Variants in SLC36A4 observed in about 807,000 individuals in gnomAD.
The protein encoded by SLC36A4 is neutral amino acid uniporter 4.
SLC36A4 carries 49 observed loss-of-function variants against 50.5 expected under a neutral mutation model. The ratio of observed to expected loss-of-function variants is 0.97; its 90% CI spans 0.77 to 1.23. The LOEUF (loss-of-function observed/expected upper bound fraction) is 1.23. Ranked by LOEUF, SLC36A4 falls within the 50% of genes most tolerant of loss-of-function variation. The pLI, the probability that SLC36A4 is intolerant of heterozygous loss-of-function variation, is 0.00. For missense variants in SLC36A4, 611 were observed against 608.4 expected (o/e 1.00, Z -0.05); for synonymous variants, 207 against 206.5 (o/e 1.00, Z -0.02).
At position 93,197,783 on chromosome 11, in the gene SLC36A4, T is replaced by C; in HGVS notation, c.50A>G (p.Glu17Gly). The C allele has an allele frequency of 6.3e-7, 1 of 1,586,840 alleles. No individual in the cohort carries two copies. Among genetic ancestry groups the C allele is most frequent in the Non-Finnish European group, 8.5e-7 (1 of 1,173,630 alleles). ...PAAAGAARRE[E>G]LDMDVMRPLI... ...TGCCCACGCACAACACCGACCTAGC[T>C]CCTCGCGCCTCGCCGCCCCGGCAGC... Residue 17 changes from glutamate (E) to glycine (G), a missense_variant, in exon 1 of 11, where the codon GAG becomes GGG. Physicochemically the swap from Glu to Gly is moderately conservative, Grantham distance 98. Coordinates refer to ENST00000326402, the MANE Select transcript of SLC36A4 (RefSeq NM_152313.4).
chr11:93,152,305 G>A (rs1021187141), intron 10 of SLC36A4: 3 of 152,040 alleles, frequency 2.0e-5, no homozygotes, highest in Admixed American at 2.0e-4. Context: ...TAAAGTGTAC[G>A]CCCCCAAATC....
chr11:93,160,821 G>T (rs1011620990), intron 9 of SLC36A4: 1 of 856,490 alleles, frequency 1.2e-6, no homozygotes, highest in African/African-American at 1.8e-5. Context: ...TTATTTTTAA[G>T]ACCTAGTCAA....
chr11:93,174,696 T>C (rs983331678), intron 6 of SLC36A4, among the ~76,000 whole-genome samples: 4 of 140,270 alleles, frequency 2.9e-5, no homozygotes, highest in African/African-American at 1.1e-4. Context: ...TCTGCATCTA[T>C]TGAGATAATC....
intron 9 of SLC36A4, among the ~76,000 whole-genome samples, chr11:93,156,009 C>T (rs1860343425): frequency 6.6e-6 from 1 of 152,114 alleles, no homozygotes; most frequent in Admixed American, 6.6e-5. Flanking sequence ...CGTATCTTTG[C>T]TATTGTGAAA....
chr11:93,164,713 G>A (rs1860784498), intron 8 of SLC36A4, among the ~76,000 whole-genome samples: 1 of 152,098 alleles, frequency 6.6e-6, no homozygotes, highest in Non-Finnish European at 1.5e-5. Context: ...ATTTCCTGAG[G>A]CCTTCTGTGT....
At chr11:93,195,603 C>T (rs138143326) in intron 1 of SLC36A4, among the ~76,000 whole-genome samples, 1 of 152,318 alleles carries the variant, frequency 6.6e-6, no homozygotes, top group Non-Finnish European at 1.5e-5. Flanking sequence ...CATGACACTC[C>T]TCTGTTCAAA....
intron 9 of SLC36A4, among the ~76,000 whole-genome samples, chr11:93,161,794 T>G (rs1166723397): frequency 1.3e-5 from 2 of 152,206 alleles, no homozygotes; most frequent in Admixed American, 6.5e-5. Context: ...AGGAGTTACC[T>G]TCCATCTTGT....
chr11:93,196,189 A>G (rs1862412955), intron 1 of SLC36A4, among the ~76,000 whole-genome samples: 1 of 152,212 alleles, frequency 6.6e-6, no homozygotes, highest in South Asian at 2.1e-4. Flanking sequence ...ATCTTTCCAC[A>G]TCACTTTTAA....
rs1860975501 is a variant in SLC36A4 at position 93,168,268 on chromosome 11, T to G, written c.541-97A>C. The G allele has an allele frequency of 1.1e-5, 6 of 548,670 alleles. No individual in the cohort carries two copies. In the South Asian group the frequency reaches 1.1e-4, roughly 10 times the overall value. The allele number at this position is 548,670 out of a possible 1,614,324, so 34.0% of individuals were successfully genotyped here. A position where few individuals can be genotyped will look rare whatever the true frequency, so the allele number is the denominator to read the frequency against. ...ACAAAGAAAATCACAACATATACAC[T>G]CTACAATAAATTCCTATGATATATT... On this transcript the variant is annotated intron_variant, in intron 6 of 10. Transcript: ENST00000326402.
chr11:93,184,565 CT>C (rs1280467509), intron 2 of SLC36A4, 45 bp from the exon 3 acceptor site: 2 of 1,134,952 alleles, frequency 1.8e-6, no homozygotes, highest in East Asian at 2.4e-5. Context: ...AGAACAAAAT[CT>C]ATTATAACAT....
intron 6 of SLC36A4, chr11:93,171,860 T>C (rs1861153033): frequency 6.6e-6 from 1 of 152,136 alleles, no homozygotes; most frequent in Non-Finnish European, 1.5e-5. Context: ...CTATAACAAG[T>C]AATGCTAATG....
intron 1 of SLC36A4, among the ~76,000 whole-genome samples, chr11:93,189,435 C>A (rs1052166017): frequency 6.6e-6 from 1 of 151,432 alleles, no homozygotes; most frequent in African/African-American, 2.4e-5. Context: ...AAGGCTATGA[C>A]AACATATAAA....
At chr11:93,165,641 T>A (rs919121210) in intron 8 of SLC36A4, among the ~76,000 whole-genome samples, 4 of 152,082 alleles carry the variant, frequency 2.6e-5, no homozygotes, top group African/African-American at 9.7e-5. Flanking sequence ...AGGTTTGAAA[T>A]TTTCCATAAT....
chr11:93,178,414 C>T (rs1483803892), intron 6 of SLC36A4, among the ~76,000 whole-genome samples: 1 of 152,124 alleles, frequency 6.6e-6, no homozygotes, highest in Non-Finnish European at 1.5e-5. Flanking sequence ...CCAACAAGCC[C>T]CAGTGAGATG....
intron 1 of SLC36A4, 48 bp from the exon 2 acceptor site, chr11:93,185,862 G>C (rs919362775): frequency 6.7e-7 from 1 of 1,499,056 alleles, no homozygotes; most frequent in African/African-American, 1.4e-5. Context: ...AAAAAAGTTG[G>C]ATAAAGCTGG....
chr11:93,150,675 C>T (rs940089724), intron 10 of SLC36A4, among the ~76,000 whole-genome samples: 2 of 151,992 alleles, frequency 1.3e-5, no homozygotes, highest in African/African-American at 2.4e-5. Context: ...GTAGATTATT[C>T]GTCTAATAGA....
chr11:93,156,794 C>T (rs1271128777), intron 9 of SLC36A4, among the ~76,000 whole-genome samples: 2 of 152,128 alleles, frequency 1.3e-5, no homozygotes, highest in African/African-American at 2.4e-5. Context: ...TTCTTCCATT[C>T]TGTAGGTTGC....
intron 7 of SLC36A4, chr11:93,167,301 C>G (rs1395850204): frequency 2.0e-5 from 3 of 151,986 alleles, no homozygotes; most frequent in African/African-American, 2.4e-5. Flanking sequence ...TCTTTGACAC[C>G]TTTGCAAGAT....
At chr11:93,188,019 C>T (rs180939197) in intron 1 of SLC36A4, among the ~76,000 whole-genome samples, 20 of 152,274 alleles carry the variant, frequency 1.3e-4, no homozygotes, top group Admixed American at 3.9e-4. Context: ...AGGAGATTTT[C>T]ATGGTGCTTG....
Sources: gnomAD v4.1 joint callset for allele counts (sites outside exome capture counted in the v4.1 genomes callset) on GRCh38, gnomAD v4.1.1 for gene constraint, MANE v1.5 for transcripts, NCBI Gene and HGNC (gene_info 2026-07-23, HGNC 2026-07-21) for gene names.